CSGALNACT1: variants seen among roughly 807,000 people sequenced by gnomAD.
The protein encoded by CSGALNACT1 is beta4GalNAcT-1.
In CSGALNACT1, 52 loss-of-function variants were observed where a neutral mutation model predicts 51.0. The ratio of observed to expected loss-of-function variants is 1.02; its 90% CI spans 0.82 to 1.29. The LOEUF (loss-of-function observed/expected upper bound fraction) is 1.29. CSGALNACT1 is among the 50% of genes most tolerant of loss of function. The pLI is 0.00. For missense variants in CSGALNACT1, 935 were observed against 679.2 expected, an observed-to-expected ratio of 1.38 and a Z score of -4.19; for synonymous variants, 341 against 254.4, an observed-to-expected ratio of 1.34 and a Z score of -3.24.
intron 3 of CSGALNACT1, among the ~76,000 whole-genome samples, chr8:19,527,953 C>T (rs963747605): frequency 1.3e-5 from 2 of 152,092 alleles, no homozygotes; most frequent in Admixed American, 6.5e-5. Context: ...AGGAGATAAA[C>T]TCAGGGAGAA....
At chr8:19,657,130 AT>A (rs1173788767) in intron 1 of CSGALNACT1, among the ~76,000 whole-genome samples, 3 of 151,860 alleles carry the variant, frequency 2.0e-5, no homozygotes, top group Non-Finnish European at 2.9e-5. Context: ...AAAACAAAGA[AT>A]TTTTTTATTA....
intron 4 of CSGALNACT1, among the ~76,000 whole-genome samples, chr8:19,483,851 T>C (rs76812902): frequency 6.6e-6 from 1 of 152,240 alleles, no homozygotes; most frequent in South Asian, 2.1e-4. Context: ...TTCCAATGTA[T>C]TGTCCTTTAA....
intron 3 of CSGALNACT1, among the ~76,000 whole-genome samples, chr8:19,577,614 A>C (rs999346214): frequency 6.6e-6 from 1 of 151,544 alleles, no homozygotes; most frequent in Admixed American, 6.6e-5. Context: ...TAGCAACTCC[A>C]ACCATCCTGT....
intron 4 of CSGALNACT1, among the ~76,000 whole-genome samples, chr8:19,458,977 TTA>T (rs2064759665): frequency 6.6e-6 from 1 of 152,150 alleles, no homozygotes. Flanking sequence ...TAGAGTGGGA[TTA>T]TGTGTTTTTT....
intron 4 of CSGALNACT1, among the ~76,000 whole-genome samples, chr8:19,481,064 G>T (rs1183875892): frequency 6.6e-6 from 1 of 152,160 alleles, no homozygotes; most frequent in African/African-American, 2.4e-5. Flanking sequence ...ATATCACAGT[G>T]TAAGTCTTTT....
chr8:19,599,743 C>G (rs538065304), intron 2 of CSGALNACT1, among the ~76,000 whole-genome samples: 1 of 152,278 alleles, frequency 6.6e-6, no homozygotes, highest in African/African-American at 2.4e-5. Context: ...CCTGGGAAGC[C>G]CTTGTTTTCC....
intron 1 of CSGALNACT1, chr8:19,688,880 A>C (rs2061129187): frequency 6.6e-6 from 1 of 152,324 alleles, no homozygotes; most frequent in Admixed American, 6.5e-5. Context: ...AAGATAATGA[A>C]CACTGCTCAG....
chr8:19,541,081 G>C (rs1031841638), intron 3 of CSGALNACT1, among the ~76,000 whole-genome samples: 3 of 148,524 alleles, frequency 2.0e-5, no homozygotes, highest in African/African-American at 7.4e-5. Context: ...ATTTTCTCTG[G>C]GTGATAATTT....
At chr8:19,407,363 G>A (rs531901681) in intron 9 of CSGALNACT1, among the ~76,000 whole-genome samples, 10 of 152,208 alleles carry the variant, frequency 6.6e-5, no homozygotes, top group African/African-American at 2.2e-4. Context: ...GAGACCAGCA[G>A]CTCGTGGGGA....
chr8:19,735,063 G>C (rs2063896266), intron 1 of CSGALNACT1, among the ~76,000 whole-genome samples: 2 of 152,000 alleles, frequency 1.3e-5, no homozygotes, highest in African/African-American at 4.8e-5. Flanking sequence ...CATATGCTGG[G>C]GCCAGAGTGC....
intron 1 of CSGALNACT1, among the ~76,000 whole-genome samples, chr8:19,705,090 A>G (rs2062082431): frequency 6.6e-6 from 1 of 152,210 alleles, no homozygotes. Context: ...TTTGCACCAC[A>G]AAAAGGTACT....
At chr8:19,609,952 G>A (rs1289029657) in intron 1 of CSGALNACT1, among the ~76,000 whole-genome samples, 5 of 152,074 alleles carry the variant, frequency 3.3e-5, no homozygotes, top group African/African-American at 9.7e-5. Context: ...CGGGCACGGT[G>A]GCTCACGCCT....
chr8:19,408,612 C>T lies in CSGALNACT1; in HGVS notation c.1309+1G>A. On this transcript the variant is annotated splice_donor_variant, in intron 9 of 9. Transcript: ENST00000454498. LOFTEE classifies it high-confidence loss of function. ...GCAGTAGAGATGCAGATTTGTCCTA[C>T]CTATATTGATGAAGTCTGACCGATA... 1 of 1,612,178 alleles carries T rather than the reference C, an allele frequency of 6.2e-7. No individual in the cohort carries two copies. Among genetic ancestry groups the T allele is most frequent in the East Asian group, 2.2e-5 (1 of 44,690 alleles).
chr8:19,468,352 G>T (rs1247314554), intron 4 of CSGALNACT1, among the ~76,000 whole-genome samples: 2 of 152,184 alleles, frequency 1.3e-5, no homozygotes, highest in African/African-American at 2.4e-5. Context: ...ACGAATGGGG[G>T]GATGGGAGAA....
intron 3 of CSGALNACT1, among the ~76,000 whole-genome samples, chr8:19,527,654 G>C (rs933834136): frequency 6.6e-6 from 1 of 152,168 alleles, no homozygotes; most frequent in Non-Finnish European, 1.5e-5. Context: ...AAGTAACTGA[G>C]TGGCATAGGC....
At chr8:19,427,508 G>C (rs2058950818) in intron 6 of CSGALNACT1, among the ~76,000 whole-genome samples, 2 of 152,210 alleles carry the variant, frequency 1.3e-5, no homozygotes, top group Admixed American at 1.3e-4. Flanking sequence ...GGGGGTGGCA[G>C]CCGGGTGTGG....
chr8:19,589,265 T>C lies in CSGALNACT1; in HGVS notation c.-297+1895A>G, dbSNP rs539405408. Among the ~76,000 whole-genome samples, 6 of 152,358 alleles carry C rather than the reference T, an allele frequency of 3.9e-5. No individual in the cohort carries two copies. The East Asian group carries it at 1.2e-3, about 29-fold the overall frequency. On this transcript the variant is annotated intron_variant, in intron 3 of 9. Transcript: ENST00000454498. ...CAGACTAGGTAAAGCAGGCAGCTTCTAGTTATCATTCTAAAGCTACCTAAT... is the reference window on the plus strand; with the variant it reads ...CAGACTAGGTAAAGCAGGCAGCTTCCAGTTATCATTCTAAAGCTACCTAAT...
At chr8:19,620,244 G>A (rs531823132) in intron 1 of CSGALNACT1, among the ~76,000 whole-genome samples, 1 of 148,406 alleles carries the variant, frequency 6.7e-6, no homozygotes, top group Non-Finnish European at 1.5e-5. Context: ...GAACCCGAGA[G>A]GCAGAGGTTG....
chr8:19,442,840 G>A (rs2061542274), intron 5 of CSGALNACT1, among the ~76,000 whole-genome samples: 1 of 152,048 alleles, frequency 6.6e-6, no homozygotes, highest in African/African-American at 2.4e-5. Flanking sequence ...CTTAAAGACT[G>A]AATGAGCAAA....
Sources: allele counts gnomAD v4.1 joint callset (sites outside exome capture counted in the v4.1 genomes callset), GRCh38; gene constraint gnomAD v4.1.1; transcripts MANE v1.5; gene names NCBI Gene and HGNC (gene_info 2026-07-23, HGNC 2026-07-21).